PKN2: variants seen among roughly 807,000 people sequenced by gnomAD.
PKN2 encodes serine/threonine-protein kinase N2.
A neutral mutation model predicts 119.1 loss-of-function variants in PKN2; 38 were observed. The ratio of observed to expected loss-of-function variants is 0.32; its 90% CI spans 0.25 to 0.42. PKN2 has a LOEUF of 0.42. Among genes scored for constraint, PKN2 ranks in the 10% least tolerant of loss-of-function variants. PKN2 has a pLI of 1.00. For synonymous variants in PKN2, 390 were observed against 384.9 expected (o/e 1.01, Z -0.15); for missense variants, 850 against 1,165.1 (o/e 0.73, Z 3.94).
At chr1:88,781,051 T>G (rs1670319451) in intron 6 of PKN2, 2 of 1,049,752 alleles carry the variant, frequency 1.9e-6, no homozygotes, top group African/African-American at 3.5e-5. Flanking sequence ...TTTTAAAAAA[T>G]TCTTTAAGCT....
chr1:88,832,812 A>G lies in PKN2; in HGVS notation c.2631A>G (p.Pro877=), dbSNP rs1285550596. 3 of 1,600,968 alleles carry G rather than the reference A, an allele frequency of 1.9e-6. No homozygotes were observed. In the Admixed American group the frequency reaches 5.1e-5, roughly 27 times the overall value. ...TTGTAAATGATGAAGTAAGGTATCC[A>G]AGGTTCTTATCTACAGAAGCCATTT... ...DSIVNDEVRY[P]RFLSTEAISI... The change falls in exon 20 of 22, where the codon CCA becomes CCG. Residue 877 remains proline, a synonymous_variant. Coordinates refer to ENST00000370521, the MANE Select transcript of PKN2 (RefSeq NM_006256.4).
In PKN2 at chr1:88,729,674, T is replaced by G. The variant is rs148582265; in HGVS notation, c.49-11314T>G. 3.0e-3 allele frequency among the ~76,000 whole-genome samples: 451 copies of G among 152,280 alleles called. 4 individuals carry two copies. Among genetic ancestry groups the G allele is most frequent in the African/African-American group, 0.01 (429 of 41,540 alleles). ...AGCCTGTACTTGGAACTCCTGCACA[T>G]CAGTAGAATGTCACTTTAGTCAGAG... is the stretch of plus-strand genomic sequence containing the variant. On this transcript the variant is annotated intron_variant, in intron 1 of 21. Coordinates refer to ENST00000370521, the MANE Select transcript of PKN2 (RefSeq NM_006256.4).
chr1:88,779,763 G>C lies in PKN2; in HGVS notation c.986-4876G>C, dbSNP rs79727960. On this transcript the variant is annotated intron_variant, in intron 6 of 21. Transcript: ENST00000370521. The stretch of plus-strand genomic sequence containing the variant: ...GAGTATCATTAATCAGTTTTATTCT[G>C]TGTTAAACTTATACATCAAAACATG... Among the ~76,000 whole-genome samples the C allele has an allele frequency of 5.1e-3, 772 of 152,216 alleles. 3 individuals are homozygous for C. Among genetic ancestry groups the C allele is most frequent in the African/African-American group, 0.018 (727 of 41,518 alleles).
At chr1:88,790,191 A>T (rs1570634605) in intron 8 of PKN2, among the ~76,000 whole-genome samples, 1 of 152,204 alleles carries the variant, frequency 6.6e-6, no homozygotes, top group Non-Finnish European at 1.5e-5. Flanking sequence ...TCATCTTGAG[A>T]ACTCTCTTCT....
chr1:88,754,346 C>T (rs1438600654), intron 2 of PKN2, among the ~76,000 whole-genome samples: 1 of 152,008 alleles, frequency 6.6e-6, no homozygotes. Flanking sequence ...CTATTAAACT[C>T]AGTCTAAGAA....
chr1:88,738,704 A>G (rs1355755261), intron 1 of PKN2, among the ~76,000 whole-genome samples: 3 of 152,262 alleles, frequency 2.0e-5, no homozygotes, highest in African/African-American at 7.2e-5. Context: ...ACATAATATT[A>G]AAGAACAAAT....
At chr1:88,714,594 G>T (rs973353442) in intron 1 of PKN2, among the ~76,000 whole-genome samples, 1 of 152,098 alleles carries the variant, frequency 6.6e-6, no homozygotes, top group Non-Finnish European at 1.5e-5. Context: ...TTGGTGTATA[G>T]GAATGCTTGT....
chr1:88,775,191 TG>T (rs1056999316), intron 6 of PKN2, among the ~76,000 whole-genome samples: 8 of 152,166 alleles, frequency 5.3e-5, no homozygotes, highest in Non-Finnish European at 8.8e-5. Context: ...CTTCAACTCC[TG>T]GGCTCGAGCA....
intron 1 of PKN2, among the ~76,000 whole-genome samples, chr1:88,733,231 G>C (rs112257734): frequency 0.021 from 3,188 of 152,226 alleles, 70 homozygotes; most frequent in South Asian, 0.069. Flanking sequence ...ATCGGATCAT[G>C]TGGTAGTTCT....
rs776499472 is a variant in PKN2 at position 88,805,813 on chromosome 1, T to C, written c.1677-78T>C. 8.1e-6 allele frequency: 13 copies of C among 1,608,042 alleles called. No homozygotes were observed. The Admixed American group carries it at 2.0e-4, about 25-fold the overall frequency. On this transcript the variant is annotated intron_variant, in intron 11 of 21. Transcript: ENST00000370521. ...TGTTCTGTTTACTTAAAAAGTAAATTGTTTGCTTTAATTTTAAAGCTGTTT... is the reference window on the plus strand; with the variant it reads ...TGTTCTGTTTACTTAAAAAGTAAATCGTTTGCTTTAATTTTAAAGCTGTTT...
At chr1:88,719,976 A>G (rs1557563289) in intron 1 of PKN2, among the ~76,000 whole-genome samples, 1 of 152,190 alleles carries the variant, frequency 6.6e-6, no homozygotes, top group East Asian at 1.9e-4. Flanking sequence ...AATTCACACA[A>G]GTAGTAAGTG....
intron 1 of PKN2, among the ~76,000 whole-genome samples, chr1:88,698,800 T>C (rs1306462646): frequency 6.6e-6 from 1 of 152,220 alleles, no homozygotes; most frequent in Non-Finnish European, 1.5e-5. Context: ...AACCTAGTGA[T>C]TTATAGGTGA....
intron 16 of PKN2, among the ~76,000 whole-genome samples, chr1:88,818,266 C>A (rs1474256953): frequency 6.6e-6 from 1 of 152,178 alleles, no homozygotes; most frequent in Non-Finnish European, 1.5e-5. Flanking sequence ...GAATCAATAT[C>A]TTGAAAATGG....
chr1:88,821,382 A>ATC (rs1672284319), intron 16 of PKN2, among the ~76,000 whole-genome samples: 1 of 152,194 alleles, frequency 6.6e-6, no homozygotes, highest in African/African-American at 2.4e-5. Context: ...CATAAATGCC[A>ATC]TCATTCTCCT....
At chr1:88,746,532 G>A (rs1171280398) in intron 2 of PKN2, among the ~76,000 whole-genome samples, 1 of 152,004 alleles carries the variant, frequency 6.6e-6, no homozygotes, top group East Asian at 1.9e-4. Flanking sequence ...AGCCATCAGA[G>A]AAATGCAAAT....
intron 3 of PKN2, among the ~76,000 whole-genome samples, chr1:88,762,000 C>T (rs1250783938): frequency 6.6e-6 from 1 of 152,030 alleles, no homozygotes; most frequent in African/African-American, 2.4e-5. Flanking sequence ...ATTAACCCAG[C>T]TACTGCCCTG....
intron 2 of PKN2, among the ~76,000 whole-genome samples, chr1:88,753,709 T>TTTTTTTTTTTTTTTTTTTTTTGAG (rs1669092621): frequency 6.6e-6 from 1 of 151,612 alleles, no homozygotes; most frequent in African/African-American, 2.4e-5. Context: ...TACACACTTT[T>TTTTTTTTTTTTTTTTTTTTTTGAG]AAACAACCAG....
chr1:88,718,809 T>A (rs1667556368), intron 1 of PKN2, among the ~76,000 whole-genome samples: 2 of 152,182 alleles, frequency 1.3e-5, no homozygotes, highest in African/African-American at 2.4e-5. Flanking sequence ...CCCCCTTTAG[T>A]TTTTGTATCA....
At position 88,807,769 on chromosome 1, in the gene PKN2, TAGAC is replaced by T; in HGVS notation, c.2099_2102del (p.Asp700AlafsTer2). ...GGAGATATTGTGGCTCGAGATGAAGTAGACAGGTTAGTTTTTAAAAATGAAATTG... is the reference window on the plus strand; with the variant it reads ...GGAGATATTGTGGCTCGAGATGAAGTAGGTTAGTTTTTAAAAATGAAATTG... On this transcript the variant is annotated frameshift_variant and splice_region_variant, in exon 15 of 22. Coordinates refer to ENST00000370521, the MANE Select transcript of PKN2 (RefSeq NM_006256.4). LOFTEE classifies it high-confidence loss of function. The T allele has an allele frequency of 6.5e-7, 1 of 1,543,010 alleles. No homozygotes were observed. The highest frequency in any genetic ancestry group is 8.8e-7 in the Non-Finnish European group (1 of 1,131,630).
Sources: allele counts gnomAD v4.1 joint callset (sites outside exome capture counted in the v4.1 genomes callset), GRCh38; gene constraint gnomAD v4.1.1; transcripts MANE v1.5; gene names NCBI Gene and HGNC (gene_info 2026-07-23, HGNC 2026-07-21).